The following ENPP3 variants were observed in gnomAD, a reference collection of about 807,000 sequenced individuals.
ENPP3 encodes ectonucleotide pyrophosphatase/phosphodiesterase 3.
Under a neutral mutation model 117.8 loss-of-function variants are expected in ENPP3, and 104 were observed. That is an observed-to-expected ratio of 0.88 (90% confidence interval 0.75 to 1.04). The LOEUF (loss-of-function observed/expected upper bound fraction) is 1.04. Among genes scored for constraint, ENPP3 ranks in the 50% least tolerant of loss-of-function variants. ENPP3 has a pLI of 0.00. For synonymous variants in ENPP3, 380 were observed against 349.9 expected (o/e 1.09, Z -0.96); for missense variants, 1,026 against 1,051.9 (o/e 0.98, Z 0.34).
At chr6:131,700,727 A>T in intron 15 of ENPP3, 1 of 1,554,646 alleles carries the variant, frequency 6.4e-7, no homozygotes, top group Non-Finnish European at 8.6e-7. Flanking sequence ...ATTGGATCTG[A>T]AGGATAGCAC....
intron 9 of ENPP3, 43 bp downstream of exon 9, chr6:131,675,232 G>T (rs1171604466): frequency 8.2e-7 from 1 of 1,217,436 alleles, no homozygotes; most frequent in Non-Finnish European, 1.2e-6. Flanking sequence ...AGGCAGAAAT[G>T]ATCAAGATGT....
At chr6:131,721,683 TAA>T (rs1780036627) in intron 17 of ENPP3, among the ~76,000 whole-genome samples, 1 of 151,840 alleles carries the variant, frequency 6.6e-6, no homozygotes, top group African/African-American at 2.4e-5. Context: ...TTCCATTTTT[TAA>T]AAGTGTCTAT....
In ENPP3 at chr6:131,650,023, G is replaced by A. The variant is rs920865349; in HGVS notation, c.155-4G>A. 1.2e-6 allele frequency: 2 copies of A among 1,613,754 alleles called. No homozygotes were observed. The highest frequency in any genetic ancestry group is 2.2e-5 in the East Asian group (1 of 44,868). On this transcript the variant is annotated splice_region_variant and splice_polypyrimidine_tract_variant and intron_variant, in intron 2 of 24. Transcript: ENST00000357639. ...GTTCGGGCCCTATTTCCTTTACTTTGTAGGCAGCTGCAGGAAGAAGTGCTT... is the reference window on the plus strand; with the variant it reads ...GTTCGGGCCCTATTTCCTTTACTTTATAGGCAGCTGCAGGAAGAAGTGCTT...
In ENPP3 at chr6:131,677,955, T is replaced by G. The variant is rs1031480340; in HGVS notation, c.1011+15T>G. On this transcript the variant is annotated intron_variant, in intron 11 of 24. Transcript: ENST00000357639. ...TCAGTGCCAGAGTAAGTTGTTGTTT[T>G]CTTAAAAGAAAAAAAAAAATGTAAA... is the stretch of plus-strand genomic sequence containing the variant. The G allele has an allele frequency of 6.4e-7, 1 of 1,552,628 alleles. No individual in the cohort carries two copies. The highest frequency in any genetic ancestry group is 8.8e-7 in the Non-Finnish European group (1 of 1,132,900).
At chr6:131,673,243 A>G (rs1441774385) in intron 7 of ENPP3, among the ~76,000 whole-genome samples, 2 of 152,162 alleles carry the variant, frequency 1.3e-5, no homozygotes, top group Admixed American at 6.6e-5. Context: ...TGGGTTCTGA[A>G]TCCGTGGATT....
intron 6 of ENPP3, among the ~76,000 whole-genome samples, 174 bp from the exon 7 acceptor site, chr6:131,671,074 A>T (rs1316175419): frequency 6.6e-6 from 1 of 152,180 alleles, no homozygotes; most frequent in Non-Finnish European, 1.5e-5. Context: ...TAAAAGACTG[A>T]CATTCCCTGG....
At chr6:131,703,683 G>A (rs1170171878) in intron 15 of ENPP3, among the ~76,000 whole-genome samples, 3 of 149,874 alleles carry the variant, frequency 2.0e-5, no homozygotes, top group Admixed American at 6.7e-5. Context: ...TATAGAAAAG[G>A]CAAACATTTC....
intron 6 of ENPP3, among the ~76,000 whole-genome samples, chr6:131,669,800 G>T (rs1778702520): frequency 2.0e-5 from 3 of 152,050 alleles, no homozygotes; most frequent in Admixed American, 2.0e-4. Context: ...TCTGAAGGAG[G>T]AAATTCCTGA....
chr6:131,695,921 A>G (rs972418090), intron 15 of ENPP3, among the ~76,000 whole-genome samples: 1 of 152,184 alleles, frequency 6.6e-6, no homozygotes, highest in Non-Finnish European at 1.5e-5. Flanking sequence ...GTCTCAAAAA[A>G]AAAAGAGAAT....
chr6:131,667,570 T>C (rs984405322), intron 6 of ENPP3, among the ~76,000 whole-genome samples: 1 of 151,918 alleles, frequency 6.6e-6, no homozygotes, highest in South Asian at 2.1e-4. Context: ...AAAATTGGAG[T>C]GTTAGATGTG....
intron 15 of ENPP3, among the ~76,000 whole-genome samples, chr6:131,703,816 CCA>C (rs2114481827): frequency 6.6e-6 from 1 of 151,040 alleles, no homozygotes; most frequent in South Asian, 2.1e-4. Flanking sequence ...GTCATCACCT[CCA>C]CAGAGTACCT....
At chr6:131,713,353 G>A (rs953357102) in intron 15 of ENPP3, among the ~76,000 whole-genome samples, 2 of 151,116 alleles carry the variant, frequency 1.3e-5, no homozygotes, top group African/African-American at 2.5e-5. Context: ...TGGCCAGATT[G>A]TATAGTTTTT....
intron 1 of ENPP3, among the ~76,000 whole-genome samples, chr6:131,640,653 A>G (rs1778022221): frequency 6.6e-6 from 1 of 152,234 alleles, no homozygotes; most frequent in Non-Finnish European, 1.5e-5. Flanking sequence ...AGGTTATTGT[A>G]AAATACTTTC....
At chr6:131,676,702 A>G (rs1778875395) in intron 9 of ENPP3, 34 bp from the exon 10 acceptor site, 1 of 1,366,068 alleles carries the variant, frequency 7.3e-7, no homozygotes, top group Non-Finnish European at 1.0e-6. Context: ...GATTTGATTC[A>G]TTTTAAAGAA....
chr6:131,700,605 G>T (rs1157508826), intron 15 of ENPP3: 1 of 1,551,436 alleles, frequency 6.4e-7, no homozygotes, highest in Non-Finnish European at 8.6e-7. Context: ...CTGCTCCTTG[G>T]GGTTCCCATA....
In ENPP3 at chr6:131,658,335, A is replaced by G; in HGVS notation, c.477A>G (p.Pro159=). ...QSQCPEGFDL[P]PVILFSMDGF... is the part of the protein sequence containing the mutation. ...TTTCCATTTTCAGGTTTGACCTGCC[A>G]CCAGTTATCTTGTTTTCTATGGATG... The change falls in exon 6 of 25, where the codon CCA becomes CCG. Residue 159 remains proline (P), a synonymous_variant. Coordinates refer to ENST00000357639, the MANE Select transcript of ENPP3 (RefSeq NM_005021.5). 1 of 1,605,786 alleles carries G rather than the reference A, an allele frequency of 6.2e-7. No homozygotes were observed. The highest frequency in any genetic ancestry group is 8.5e-7 in the Non-Finnish European group (1 of 1,172,760).
At chr6:131,690,616 A>G (rs961713508) in intron 14 of ENPP3, among the ~76,000 whole-genome samples, 3 of 152,124 alleles carry the variant, frequency 2.0e-5, no homozygotes, top group African/African-American at 4.8e-5. Context: ...AATATCTCCA[A>G]GGTATGCCTG....
intron 16 of ENPP3, among the ~76,000 whole-genome samples, chr6:131,719,145 G>T (rs189337060): frequency 2.2e-3 from 335 of 152,152 alleles, no homozygotes; most frequent in Non-Finnish European, 3.8e-3. Context: ...GGGGCAGTAA[G>T]AAACTTTAAA....
At chr6:131,692,987 T>G (rs969004943) in intron 14 of ENPP3, among the ~76,000 whole-genome samples, 1 of 143,750 alleles carries the variant, frequency 7.0e-6, no homozygotes, top group Non-Finnish European at 1.5e-5. Flanking sequence ...ATTATACAAC[T>G]ATATATGATA....
Sources: gnomAD v4.1 joint callset for allele counts (sites outside exome capture counted in the v4.1 genomes callset) on GRCh38, gnomAD v4.1.1 for gene constraint, MANE v1.5 for transcripts, NCBI Gene and HGNC (gene_info 2026-07-23, HGNC 2026-07-21) for gene names.